Variants in NELFB observed in about 807,000 individuals in gnomAD.
NELFB encodes negative elongation factor complex member B.
A neutral mutation model predicts 60.2 loss-of-function variants in NELFB; 34 were observed. The observed-to-expected ratio is 0.56, with a 90% confidence interval of 0.43 to 0.75. The LOEUF (loss-of-function observed/expected upper bound fraction) is 0.75. Ranked by LOEUF, NELFB falls within the 30% of genes least tolerant of loss-of-function variation. The pLI is 0.00. For synonymous variants in NELFB, 459 were observed against 382.1 expected (o/e 1.20, Z -2.35); for missense variants, 770 against 831.6 (o/e 0.93, Z 0.91).
In NELFB at chr9:137,256,949, C is replaced by T. The variant is rs1264432199; in HGVS notation, c.636C>T (p.Leu212=). The change falls in exon 4 of 13, where the codon CTC becomes CTT. Residue 212 remains leucine, a synonymous_variant. Coordinates refer to ENST00000343053, the MANE Select transcript of NELFB (RefSeq NM_015456.5). ...TCTTCGGGGACGAGGTTTCCCCACTCCTGAAGCAGTACATCCTGGAGAAGG... is the reference window on the plus strand; with the variant it reads ...TCTTCGGGGACGAGGTTTCCCCACTTCTGAAGCAGTACATCCTGGAGAAGG... The T allele has an allele frequency of 8.1e-6, 13 of 1,614,056 alleles. No individual in the cohort carries two copies. Among genetic ancestry groups the T allele is most frequent in the East Asian group, 2.2e-5 (1 of 44,898 alleles).
At chr9:137,256,761 C>A in intron 3 of NELFB, 63 bp from the exon 4 acceptor site, 1 of 1,534,218 alleles carries the variant, frequency 6.5e-7, no homozygotes, top group Non-Finnish European at 8.9e-7. Flanking sequence ...GGCCTCTTGG[C>A]TTGTCTTGAA....
At chr9:137,257,403 A>G (rs1338727220) in intron 4 of NELFB, among the ~76,000 whole-genome samples, 1 of 150,978 alleles carries the variant, frequency 6.6e-6, no homozygotes, top group East Asian at 2.0e-4. Context: ...ATCTCGGCTC[A>G]CTGCAAGCTC....
chr9:137,259,548 C>G (rs541312153), intron 4 of NELFB, among the ~76,000 whole-genome samples: 1 of 152,254 alleles, frequency 6.6e-6, no homozygotes, highest in South Asian at 2.1e-4. Flanking sequence ...TATCGCCTGT[C>G]TCTTCTGGTG....
Position 137,272,549 on chromosome 9 carries a change from C to T in NELFB, c.1674C>T (p.His558=), listed in dbSNP as rs766199479. Residue 558 remains histidine, a synonymous_variant, in exon 12 of 13, where the codon CAC becomes CAT. Transcript: ENST00000343053. ...GGCACGCGCTGCGGCTCCTCATTCA[C>T]CTGCACCCCAGGGTGGCCCCGTCTA... 7.8e-5 allele frequency: 126 copies of T among 1,612,278 alleles called. No homozygotes were observed. Among genetic ancestry groups the T allele is most frequent in the Non-Finnish European group, 1.0e-4 (118 of 1,179,662 alleles).
chr9:137,256,925 C>G lies in NELFB; in HGVS notation c.612C>G (p.Leu204=), dbSNP rs1304252119. The G allele has an allele frequency of 1.9e-6, 3 of 1,614,108 alleles. No individual in the cohort carries two copies. The South Asian group carries it at 3.3e-5, about 18-fold the overall frequency. ...AGATCTGGCAAGACAACCAGGCCCT[C>G]TTCGGGGACGAGGTTTCCCCACTCC... Residue 204 remains leucine (L), a synonymous_variant, in exon 4 of 13, where the codon CTC becomes CTG. Transcript: ENST00000343053.
At position 137,273,532 on chromosome 9, in the gene NELFB, A is replaced by C. The variant is rs942530960; in HGVS notation, c.*604A>C. The C allele has an allele frequency of 4.6e-5, 7 of 152,308 alleles. No individual in the cohort carries two copies. Among genetic ancestry groups the C allele is most frequent in the Admixed American group, 2.6e-4 (4 of 15,260 alleles). The allele number at this position is 152,308 out of a possible 1,614,324, so 9.4% of individuals were successfully genotyped here. On this transcript the variant is annotated 3_prime_UTR_variant, in exon 13 of 13. Transcript: ENST00000343053. ...ATTTTCTCGTATGTAAATAAAAGGC[A>C]TTTTGGTAAACGTGGAGGCTGAGAT... is the stretch of plus-strand genomic sequence containing the variant.
At chr9:137,263,374 C>G (rs1309914220) in intron 5 of NELFB, 152 bp downstream of exon 5, 3 of 542,976 alleles carry the variant, frequency 5.5e-6, no homozygotes, top group Non-Finnish European at 9.2e-6. Flanking sequence ...TCTCCCTTCT[C>G]CCCCGCTCCC....
intron 10 of NELFB, 100 bp from the exon 11 acceptor site, chr9:137,271,981 G>T: frequency 6.8e-7 from 1 of 1,475,628 alleles, no homozygotes. Context: ...ACTCTCATGT[G>T]AGCACCCCCA....
chr9:137,255,746 G>T, intron 1 of NELFB, 135 bp downstream of exon 1: 2 of 1,430,682 alleles, frequency 1.4e-6, no homozygotes, highest in Non-Finnish European at 1.9e-6. Context: ...GGTGGAGTCC[G>T]GAGCCAGCAC....
Position 137,256,425 on chromosome 9 carries a change from C to A in NELFB, c.507C>A (p.Pro169=). 6.2e-7 allele frequency: 1 copy of A among 1,613,200 alleles called. No homozygotes were observed. Among genetic ancestry groups the A allele is most frequent in the Non-Finnish European group, 8.5e-7 (1 of 1,179,736 alleles). The change falls in exon 3 of 13, where the codon CCC becomes CCA. Residue 169 remains proline (P), a synonymous_variant. Coordinates refer to ENST00000343053, the MANE Select transcript of NELFB (RefSeq NM_015456.5). ...TGATGTGCGTCATGAAGCACCTGCC[C>A]AAGGTAGGGCCCTAACCCTAACCCT...
Position 137,273,209 on chromosome 9 carries a change from C to A in NELFB, c.*281C>A, listed in dbSNP as rs1212043599. 2.4e-5 allele frequency: 9 copies of A among 382,790 alleles called. No individual in the cohort carries two copies. The highest frequency in any genetic ancestry group is 4.2e-5 in the Non-Finnish European group (9 of 214,092). 23.7% of individuals were successfully genotyped at this position (382,790 alleles called of 1,614,324 possible). A position where few individuals can be genotyped will look rare whatever the true frequency, so the allele number is the denominator to read the frequency against. Reference sequence around the variant, plus strand: ...GTTTTCCTGTGTTAGGAAAAAACCACCTGTTTTCCAAGGGGAGAGGGCGGG... The same window carrying A: ...GTTTTCCTGTGTTAGGAAAAAACCAACTGTTTTCCAAGGGGAGAGGGCGGG... On this transcript the variant is annotated 3_prime_UTR_variant, in exon 13 of 13. Transcript: ENST00000343053.
intron 4 of NELFB, 49 bp downstream of exon 4, chr9:137,257,103 C>T (rs376786108): frequency 3.3e-5 from 50 of 1,507,090 alleles, no homozygotes; most frequent in Middle Eastern, 1.8e-4. Flanking sequence ...GGGGATGCCA[C>T]GGCTAGCGCC....
At chr9:137,263,460 C>A (rs1169640914) in intron 5 of NELFB, among the ~76,000 whole-genome samples, 1 of 119,338 alleles carries the variant, frequency 8.4e-6, no homozygotes, top group Non-Finnish European at 1.8e-5. Flanking sequence ...AACTCCCCGG[C>A]CCTCTCTCCT....
chr9:137,271,340 C>G (rs770378493), intron 10 of NELFB, among the ~76,000 whole-genome samples: 3 of 152,264 alleles, frequency 2.0e-5, no homozygotes, highest in Non-Finnish European at 4.4e-5. Context: ...AAGGCCCCAT[C>G]CGGGATACTA....
intron 10 of NELFB, among the ~76,000 whole-genome samples, chr9:137,268,052 C>T (rs368190047): frequency 6.6e-6 from 1 of 151,844 alleles, no homozygotes; most frequent in Non-Finnish European, 1.5e-5. Context: ...TGTTGCAAGC[C>T]AGGAAGAAGA....
At chr9:137,268,901 T>C (rs1426559458) in intron 10 of NELFB, among the ~76,000 whole-genome samples, 2 of 151,348 alleles carry the variant, frequency 1.3e-5, no homozygotes, top group African/African-American at 4.9e-5. Context: ...CAGAGACAGA[T>C]GAGAGACAGA....
chr9:137,266,425 T>C lies in NELFB; in HGVS notation c.1238T>C (p.Met413Thr). The C allele has an allele frequency of 6.2e-7, 1 of 1,612,368 alleles. No individual in the cohort carries two copies. Among genetic ancestry groups the C allele is most frequent in the Non-Finnish European group, 8.5e-7 (1 of 1,179,642 alleles). ...AGCCAGGTCTTCAAGGAGCCCAAGA[T>C]GGTAACGAGCCTCCTGTGGGGGCTG... The change falls in exon 8 of 13, where the codon ATG becomes ACG. Residue 413 changes from methionine (M) to threonine (T), a missense_variant and splice_region_variant. By Grantham distance (81) the Met-to-Thr change is moderately conservative. Transcript: ENST00000343053.
chr9:137,264,234 C>T lies in NELFB; in HGVS notation c.928-11C>T, dbSNP rs768293552. On this transcript the variant is annotated splice_polypyrimidine_tract_variant and intron_variant, in intron 5 of 12. Coordinates refer to ENST00000343053, the MANE Select transcript of NELFB (RefSeq NM_015456.5). ...GTTTGGGCTGGTCCCGACCGTGCTT[C>T]CTCCTTGCAGTTCACCTGGTGCCTG... 2 of 1,572,840 alleles carry T rather than the reference C, an allele frequency of 1.3e-6. No individual in the cohort carries two copies. The highest frequency in any genetic ancestry group is 4.6e-5 in the East Asian group (2 of 43,352).
In NELFB at chr9:137,265,986, G is replaced by A. The variant is rs1235722897; in HGVS notation, c.1143+7G>A. 6.2e-7 allele frequency: 1 copy of A among 1,603,712 alleles called. No homozygotes were observed. The highest frequency in any genetic ancestry group is 1.3e-5 in the African/African-American group (1 of 74,766). ...CCAGGAGACACTGCCCAGGGTGAGTGTGGGCTTGGCCAGCAGCTGTCGGGG... is the reference window on the plus strand; with the variant it reads ...CCAGGAGACACTGCCCAGGGTGAGTATGGGCTTGGCCAGCAGCTGTCGGGG... On this transcript the variant is annotated splice_region_variant and intron_variant, in intron 7 of 12. Coordinates refer to ENST00000343053, the MANE Select transcript of NELFB (RefSeq NM_015456.5).
Sources: allele counts gnomAD v4.1 joint callset (sites outside exome capture counted in the v4.1 genomes callset), GRCh38; gene constraint gnomAD v4.1.1; transcripts MANE v1.5; gene names NCBI Gene and HGNC (gene_info 2026-07-23, HGNC 2026-07-21).